The following COL11A1 variants were observed in gnomAD, a reference collection of about 807,000 sequenced individuals.
COL11A1 encodes collagen alpha-1(XI) chain.
Under a neutral mutation model 265.2 loss-of-function variants are expected in COL11A1, and 74 were observed. The observed-to-expected ratio is 0.28, with a 90% CI of 0.23 to 0.34. COL11A1 has a LOEUF of 0.34. Among genes scored for constraint, COL11A1 ranks in the 10% least tolerant of loss-of-function variants. The pLI, the probability that COL11A1 is intolerant of heterozygous loss-of-function variation, is 1.00. For missense variants in COL11A1, 2,165 were observed against 2,263.6 expected (o/e 0.96, Z 0.88); for synonymous variants, 816 against 727.6 (o/e 1.12, Z -1.96).
chr1:103,038,310 C>A (rs936241390), intron 4 of COL11A1, among the ~76,000 whole-genome samples: 4 of 151,922 alleles, frequency 2.6e-5, no homozygotes, highest in Non-Finnish European at 5.9e-5. Flanking sequence ...CAAAAAAATA[C>A]GAAAGTTAGC....
chr1:103,038,485 C>CGAGAGAGA (rs368574516), intron 4 of COL11A1, among the ~76,000 whole-genome samples: 1 of 148,778 alleles, frequency 6.7e-6, no homozygotes, highest in African/African-American at 2.5e-5. Flanking sequence ...AGAGAGAGAG[C>CGAGAGAGA]GAGAGAGAGA....
chr1:102,970,254 C>T lies in COL11A1; in HGVS notation c.2827G>A (p.Gly943Arg). The T allele has an allele frequency of 6.2e-7, 1 of 1,611,934 alleles. No individual in the cohort carries two copies. The highest frequency in any genetic ancestry group is 8.5e-7 in the Non-Finnish European group (1 of 1,178,662). The change falls in exon 37 of 67, where the codon GGG becomes AGG. Residue 943 changes from glycine to arginine, a missense_variant. Coordinates refer to ENST00000370096, the MANE Select transcript of COL11A1 (RefSeq NM_001854.4). The part of the protein sequence containing the change: ...KGPPGPPGKD[G>R]LPGHPGQRGE... Reference sequence around the variant, plus strand: ...CGTTGCCCAGGGTGTCCTGGCAGCCCATCCTTCCCAGGTGGTCCCTGAAAT... The same window carrying T: ...CGTTGCCCAGGGTGTCCTGGCAGCCTATCCTTCCCAGGTGGTCCCTGAAAT...
rs1661031890 is a variant in COL11A1, at chr1:102,962,667, T to C, written c.3010A>G (p.Lys1004Glu). 1.1e-5 allele frequency: 18 copies of C among 1,614,018 alleles called. No homozygotes were observed. The highest frequency in any genetic ancestry group is 6.7e-5 in the East Asian group (3 of 44,878). ...GCATGTTGTACCTTTGCACCTTCTTTTCCTGCAGCACCAGGAAGACCTTGC... is the reference window on the plus strand; with the variant it reads ...GCATGTTGTACCTTTGCACCTTCTTCTCCTGCAGCACCAGGAAGACCTTGC... The part of the protein sequence containing the change: ...GEQGLPGAAG[K>E]EGAKGDPGPQ... Residue 1004 changes from lysine to glutamate, a missense_variant, in exon 39 of 67, where the codon AAA becomes GAA. Physicochemically the swap from Lys to Glu is moderately conservative, Grantham distance 56. Transcript: ENST00000370096.
At chr1:102,968,946 A>T (rs1259283685) in intron 37 of COL11A1, among the ~76,000 whole-genome samples, 1 of 152,204 alleles carries the variant, frequency 6.6e-6, no homozygotes, top group Non-Finnish European at 1.5e-5. Context: ...ATTTTGGAAT[A>T]TTCTATAGTT....
chr1:103,083,224 CTG>C (rs745323548), intron 1 of COL11A1, among the ~76,000 whole-genome samples: 44 of 103,396 alleles, frequency 4.3e-4, no homozygotes, highest in Non-Finnish European at 5.3e-4. Context: ...GAAGGGGTGT[CTG>C]TGTGTGTGTG....
chr1:103,022,730 G>C lies in COL11A1; in HGVS notation c.1245+12C>G, dbSNP rs533918663. 1 of 1,613,450 alleles carries C rather than the reference G, an allele frequency of 6.2e-7. No homozygotes were observed. Among genetic ancestry groups the C allele is most frequent in the South Asian group, 1.1e-5 (1 of 91,080 alleles). Reference sequence around the variant, plus strand: ...AAGACATACAATGACACAGTGCATAGTATCAACTTACGCTTGTTTCTGTAA... The same window carrying C: ...AAGACATACAATGACACAGTGCATACTATCAACTTACGCTTGTTTCTGTAA... On this transcript the variant is annotated intron_variant, in intron 8 of 66. Transcript: ENST00000370096.
intron 2 of COL11A1, among the ~76,000 whole-genome samples, chr1:103,082,336 C>A (rs1292479434): frequency 4.0e-5 from 6 of 151,878 alleles, no homozygotes; most frequent in African/African-American, 1.5e-4. Flanking sequence ...GAAACATTTA[C>A]CTTAATGTTA....
intron 4 of COL11A1, among the ~76,000 whole-genome samples, chr1:103,043,867 T>G (rs1557987781): frequency 6.6e-6 from 1 of 152,110 alleles, no homozygotes; most frequent in African/African-American, 2.4e-5. Flanking sequence ...TAAAAATACA[T>G]TTAGGTAAGT....
chr1:103,051,580 G>A (rs572961956), intron 4 of COL11A1, among the ~76,000 whole-genome samples: 13 of 152,244 alleles, frequency 8.5e-5, no homozygotes, highest in East Asian at 1.9e-4. Context: ...GCCTTGCTTC[G>A]GCTTATGCAT....
intron 4 of COL11A1, among the ~76,000 whole-genome samples, chr1:103,049,981 A>C (rs192005028): frequency 6.6e-6 from 1 of 152,170 alleles, no homozygotes; most frequent in Non-Finnish European, 1.5e-5. Context: ...TGTTAATCTG[A>C]TGGGCTTCCC....
chr1:103,082,501 A>G (rs1309007403), intron 2 of COL11A1, among the ~76,000 whole-genome samples: 2 of 152,074 alleles, frequency 1.3e-5, no homozygotes, highest in African/African-American at 4.8e-5. Context: ...TGTTGTCTCC[A>G]TATATTATGT....
At chr1:103,074,812 TCAAA>T in intron 3 of COL11A1, 32 bp from the exon 4 acceptor site, 1 of 1,610,896 alleles carries the variant, frequency 6.2e-7, no homozygotes, top group East Asian at 2.2e-5. Flanking sequence ...TTTGTAAGCT[TCAAA>T]GAAACAGTGG....
At position 102,888,624 on chromosome 1, in the gene COL11A1, C is replaced by A. The variant is rs769920499; in HGVS notation, c.4561G>T (p.Ala1521Ser). 2 of 1,613,642 alleles carry A rather than the reference C, an allele frequency of 1.2e-6. No homozygotes were observed. The highest frequency in any genetic ancestry group is 1.6e-4 in the Middle Eastern group (1 of 6,062). ...PKGNKGSTGP[A>S]GQKGDSGLPG... is the part of the protein sequence containing the mutation. ...AGACCACTGTCACCTTTCTGGCCAG[C>A]GGGTCCCTGTTAGAAAGAAGAGAGA... Residue 1521 changes from alanine to serine, a missense_variant, in exon 62 of 67, where the codon GCT becomes TCT. By Grantham distance (99) the Ala-to-Ser change is moderately conservative. Transcript: ENST00000370096.
chr1:103,046,257 T>G (rs1437687283), intron 4 of COL11A1, among the ~76,000 whole-genome samples: 2 of 44,728 alleles, frequency 4.5e-5, no homozygotes, highest in Admixed American at 2.8e-4. Flanking sequence ...TGTTCCTATT[T>G]CTCCACATCC....
intron 28 of COL11A1, among the ~76,000 whole-genome samples, chr1:102,992,872 T>C (rs1664274550): frequency 6.6e-6 from 1 of 152,146 alleles, no homozygotes; most frequent in Admixed American, 6.6e-5. Flanking sequence ...AAAATTTTAC[T>C]TATTTTCCTC....
intron 1 of COL11A1, among the ~76,000 whole-genome samples, chr1:103,089,437 T>C (rs1226462218): frequency 6.6e-6 from 1 of 152,208 alleles, no homozygotes; most frequent in South Asian, 2.1e-4. Context: ...GGCTCTAGGC[T>C]GTATGCTCTC....
At chr1:102,957,388 T>G in intron 41 of COL11A1, among the ~76,000 whole-genome samples, 1 of 152,072 alleles carries the variant, frequency 6.6e-6, no homozygotes, top group East Asian at 1.9e-4. Flanking sequence ...GTTAGCTGAT[T>G]AAAGCTCTGC....
At chr1:102,995,606 T>TAA (rs202223220) in intron 28 of COL11A1, among the ~76,000 whole-genome samples, 3,608 of 143,294 alleles carry the variant, frequency 0.025, 62 homozygotes, top group Middle Eastern at 0.097. Context: ...TAAGCACATG[T>TAA]AAAAAAAAAA....
chr1:102,913,109 G>A lies in COL11A1; in HGVS notation c.4032+528C>T, dbSNP rs1654888408. Among the ~76,000 whole-genome samples the A allele has an allele frequency of 2.0e-5, 3 of 152,144 alleles. No homozygotes were observed. In the South Asian group the frequency reaches 6.2e-4, roughly 31 times the overall value. ...GGAATGGCCCCAGAGACAAAATTGT[G>A]TTGAGGGACCATTGTCTTTGGCTCC... On this transcript the variant is annotated intron_variant, in intron 53 of 66. Transcript: ENST00000370096.
Sources: allele counts gnomAD v4.1 joint callset (sites outside exome capture counted in the v4.1 genomes callset), GRCh38; gene constraint gnomAD v4.1.1; transcripts MANE v1.5; gene names NCBI Gene and HGNC (gene_info 2026-07-23, HGNC 2026-07-21).